TET3: variants seen among roughly 807,000 people sequenced by gnomAD.
TET3 encodes the protein methylcytosine dioxygenase TET3.
A neutral mutation model predicts 141.4 loss-of-function variants in TET3; 19 were observed. The ratio of observed to expected loss-of-function variants is 0.13; its 90% CI spans 0.09 to 0.20. TET3 has a LOEUF of 0.20. TET3 is among the 10% of genes least tolerant of loss of function. TET3 has a pLI of 1.00. For synonymous variants in TET3, 1,043 were observed against 980.9 expected, an observed-to-expected ratio of 1.06 and a Z score of -1.18; for missense variants, 1,874 against 2,356.9, an observed-to-expected ratio of 0.80 and a Z score of 4.24.
intron 8 of TET3, among the ~76,000 whole-genome samples, chr2:74,091,368 G>A (rs1163357556): frequency 1.3e-5 from 2 of 152,218 alleles, no homozygotes; most frequent in African/African-American, 4.8e-5. Context: ...ACTTTGCCAA[G>A]CCCCTCATAG....
chr2:74,109,318 AG>A (rs1402607861), downstream of TET3, among the ~76,000 whole-genome samples: 1 of 146,338 alleles, frequency 6.8e-6, no homozygotes, highest in African/African-American at 2.8e-5. Flanking sequence ...TCCCACCACG[AG>A]AGAACCGCAT....
chr2:74,117,472 G>A, the TET3 span, among the ~76,000 whole-genome samples: 2 of 151,946 alleles, frequency 1.3e-5, no homozygotes, highest in African/African-American at 4.8e-5. Flanking sequence ...CTCCTGTGAG[G>A]CTCAAGTGAT....
the TET3 span, among the ~76,000 whole-genome samples, chr2:74,118,328 TGATATGTACCATG>T: frequency 6.6e-6 from 1 of 152,216 alleles, no homozygotes; most frequent in Non-Finnish European, 1.5e-5. Flanking sequence ...TTGAATTGCT[TGATATGTACCATG>T]GATTGAGGTC....
chr2:74,104,002 G>T lies in TET3; in HGVS notation c.*1826G>T, dbSNP rs528833527. The T allele has an allele frequency of 6.5e-6, 1 of 153,816 alleles. No homozygotes were observed. Among genetic ancestry groups the T allele is most frequent in the East Asian group, 1.9e-4 (1 of 5,188 alleles). 9.5% of individuals were successfully genotyped at this position (153,816 alleles called of 1,614,324 possible). A position where few individuals can be genotyped will look rare whatever the true frequency, so the allele number is the denominator to read the frequency against. ...GTAAGAGCTGAGAACCGGCCTGCTG[G>T]GTGTTTACTGTATCTGTTTGGAAGC... On this transcript the variant is annotated 3_prime_UTR_variant, in exon 12 of 12. Coordinates refer to ENST00000409262, the MANE Select transcript of TET3 (RefSeq NM_001287491.2).
intron 10 of TET3, among the ~76,000 whole-genome samples, chr2:74,096,962 G>A (rs1325091501): frequency 2.0e-5 from 3 of 151,206 alleles, no homozygotes; most frequent in Non-Finnish European, 4.4e-5. Flanking sequence ...GCGTGGTTGT[G>A]CATGCTTGTA....
chr2:74,126,020 A>G, the TET3 span, among the ~76,000 whole-genome samples: 1 of 152,198 alleles, frequency 6.6e-6, no homozygotes, highest in Non-Finnish European at 1.5e-5. Flanking sequence ...TCAGCCTCTG[A>G]GTAGCTGGGA....
At chr2:74,126,288 G>T in the TET3 span, among the ~76,000 whole-genome samples, 1 of 152,132 alleles carries the variant, frequency 6.6e-6, no homozygotes, top group Non-Finnish European at 1.5e-5. Context: ...TATAAATACA[G>T]TGCACATCTA....
chr2:74,035,941 C>G (rs928825579), intron 3 of TET3, among the ~76,000 whole-genome samples: 1 of 151,662 alleles, frequency 6.6e-6, no homozygotes, highest in Non-Finnish European at 1.5e-5. Flanking sequence ...TCATTGAGCC[C>G]GGGAGGCAGA....
At chr2:74,109,661 C>CTTAA (rs1297582873), downstream of TET3, among the ~76,000 whole-genome samples, 2 of 152,214 alleles carry the variant, frequency 1.3e-5, no homozygotes, top group Admixed American at 6.5e-5. Context: ...TGACTACATT[C>CTTAA]TTAATTCCAT....
the TET3 span, among the ~76,000 whole-genome samples, chr2:74,126,167 A>T: frequency 1.2e-4 from 18 of 146,062 alleles, no homozygotes; most frequent in Admixed American, 1.2e-3. Flanking sequence ...GCCAATTGAA[A>T]TCTGGAGAAA....
Position 74,048,307 on chromosome 2 carries a change from G to A in TET3, c.2390G>A (p.Gly797Asp). 6.2e-7 allele frequency: 1 copy of A among 1,613,900 alleles called. No homozygotes were observed. Among genetic ancestry groups the A allele is most frequent in the Non-Finnish European group, 8.5e-7 (1 of 1,179,878 alleles). ...AENPLTPTLS[G>D]FLESPLKYLD... ...AACCCACTCACACCCACCCTCAGTGGCTTCTTGGAGTCACCTCTTAAGTAC... is the reference window on the plus strand; with the variant it reads ...AACCCACTCACACCCACCCTCAGTGACTTCTTGGAGTCACCTCTTAAGTAC... Residue 797 changes from glycine (G) to aspartate (D), a missense_variant, in exon 4 of 12, where the codon GGC becomes GAC. This residue lies in a region of TET3 where 83 missense variants were observed against 107.0 expected (regional missense o/e 0.78). Coordinates refer to ENST00000409262, the MANE Select transcript of TET3 (RefSeq NM_001287491.2).
intron 5 of TET3, among the ~76,000 whole-genome samples, chr2:74,075,083 G>A (rs981483978): frequency 3.9e-5 from 6 of 152,054 alleles, no homozygotes; most frequent in African/African-American, 1.4e-4. Context: ...TGTTAGCCAG[G>A]ATGGTCTCGA....
At chr2:74,019,692 G>A (rs1236807450) in intron 3 of TET3, among the ~76,000 whole-genome samples, 5 of 152,230 alleles carry the variant, frequency 3.3e-5, no homozygotes, top group African/African-American at 1.2e-4. Context: ...GCCAATGTGA[G>A]CAGCAGAATC....
the TET3 span, among the ~76,000 whole-genome samples, chr2:74,116,705 A>C: frequency 4.6e-5 from 7 of 152,038 alleles, no homozygotes; most frequent in South Asian, 4.2e-4. Context: ...AAAAAAAAAA[A>C]AACACTGTGT....
chr2:74,100,478 G>C lies in TET3; in HGVS notation c.3690G>C (p.Lys1230Asn). 1.9e-6 allele frequency: 3 copies of C among 1,595,370 alleles called. No homozygotes were observed. Among genetic ancestry groups the C allele is most frequent in the Non-Finnish European group, 2.6e-6 (3 of 1,171,158 alleles). The change falls in exon 12 of 12, where the codon AAG (lysine) becomes AAC (asparagine). Residue 1230 changes from lysine (K) to asparagine (N), a missense_variant. By Grantham distance (94) the Lys-to-Asn change is moderately conservative (BLOSUM62 0). This residue lies in a region of TET3 where 602 missense variants were observed against 590.2 expected (regional missense o/e 1.02). Transcript: ENST00000409262. ...CGCAGAACCACTTCAGCTCCTTCAAGTACAGCGGCAACGCGGTGGTGGAGA... is the reference window on the plus strand; with the variant it reads ...CGCAGAACCACTTCAGCTCCTTCAACTACAGCGGCAACGCGGTGGTGGAGA... ...VEPQNHFSSFKYSGNAVVESY... is the reference protein window; with the variant it reads ...VEPQNHFSSFNYSGNAVVESY...
intron 3 of TET3, 132 bp downstream of exon 3, chr2:74,003,298 A>T: frequency 6.5e-4 from 535 of 825,380 alleles, no homozygotes; most frequent in East Asian, 1.9e-3. Context: ...GCAGCAGCTG[A>T]GGGGGAGGGG....
At position 74,046,485 on chromosome 2, in the gene TET3, C is replaced by G; in HGVS notation, c.568C>G (p.His190Asp). 1 of 1,613,792 alleles carries G rather than the reference C, an allele frequency of 6.2e-7. No individual in the cohort carries two copies. The highest frequency in any genetic ancestry group is 1.1e-5 in the South Asian group (1 of 91,066). Residue 190 changes from histidine (H) to aspartate (D), a missense_variant, in exon 4 of 12, where the codon CAT (histidine) becomes GAT (aspartate). Transcript: ENST00000409262. The surrounding 1 kb of genome is among the most constrained non-coding windows in gnomAD (Gnocchi z 4.3). The part of the protein sequence containing the change: ...PDWEAAPGPA[H>D]TARLEDAHDL... ...CTGGGAGGCTGCCCCAGGCCCAGCTCATACTGCTCGCCTGGAAGATGCCCA... is the reference window on the plus strand; with the variant it reads ...CTGGGAGGCTGCCCCAGGCCCAGCTGATACTGCTCGCCTGGAAGATGCCCA...
chr2:74,069,036 T>G (rs909354941), intron 4 of TET3, among the ~76,000 whole-genome samples: 5 of 152,186 alleles, frequency 3.3e-5, no homozygotes, highest in African/African-American at 1.2e-4. Context: ...TTTTATTTAT[T>G]TATTTTTGGG....
intron 3 of TET3, among the ~76,000 whole-genome samples, chr2:74,020,736 A>G (rs146231302): frequency 6.6e-6 from 1 of 152,340 alleles, no homozygotes; most frequent in Non-Finnish European, 1.5e-5. Context: ...AGAGAAGGGA[A>G]TCCCTGCTGT....
Sources: gnomAD v4.1 joint callset for allele counts (sites outside exome capture counted in the v4.1 genomes callset) on GRCh38, gnomAD v4.1.1 for gene constraint, gnomAD v4.1.1 regional missense constraint, Gnocchi (gnomAD v3.1) non-coding constraint, MANE v1.5 for transcripts, NCBI Gene and HGNC (gene_info 2026-07-23, HGNC 2026-07-21) for gene names.